The following OR56B2 variants were observed in gnomAD, a reference collection of about 807,000 sequenced individuals.
OR56B2 encodes the protein olfactory receptor family 56 subfamily B member 2, also known as olfactory receptor 56B2.
At chr11:5,764,232 A>G in the OR56B2 span, among the ~76,000 whole-genome samples, 180 of 141,176 alleles carry the variant, frequency 1.3e-3, 33 homozygotes, top group South Asian at 0.018. Context: ...AGATACAGAG[A>G]GATTAGATAT....
chr11:5,768,723 T>G, the OR56B2 span, among the ~76,000 whole-genome samples: 1 of 139,926 alleles, frequency 7.1e-6, no homozygotes, highest in Non-Finnish European at 1.6e-5. Flanking sequence ...ACATGTATAT[T>G]TGTTATATAA....
the OR56B2 span, chr11:5,765,956 C>T: frequency 2.9e-5 from 4 of 140,286 alleles, 2 homozygotes; most frequent in East Asian, 4.1e-4. Flanking sequence ...ATGTGCTACA[C>T]AATGTCATTC....
At chr11:5,763,019 C>T in the OR56B2 span, among the ~76,000 whole-genome samples, 5 of 151,946 alleles carry the variant, frequency 3.3e-5, no homozygotes, top group East Asian at 9.7e-4. Context: ...GTTTTCTTAT[C>T]TAAGAATACC....
At chr11:5,766,461 T>C in the OR56B2 span, 4 of 140,508 alleles carry the variant, frequency 2.8e-5, 2 homozygotes, top group Admixed American at 1.5e-4. Flanking sequence ...AGGAGATACT[T>C]CTGCATTTTC....
the OR56B2 span, among the ~76,000 whole-genome samples, chr11:5,762,451 T>C: frequency 3.3e-5 from 5 of 152,110 alleles, no homozygotes; most frequent in Admixed American, 2.6e-4. Flanking sequence ...ATATTCTTTG[T>C]TACTTCTCAC....
the OR56B2 span, among the ~76,000 whole-genome samples, chr11:5,763,618 T>C: frequency 3.6e-5 from 5 of 140,370 alleles, 1 homozygote; most frequent in Admixed American, 2.9e-4. Flanking sequence ...GCCTCCACTA[T>C]ATTTTTAACG....
chr11:5,762,015 A>T, the OR56B2 span, among the ~76,000 whole-genome samples: 1 of 152,280 alleles, frequency 6.6e-6, no homozygotes, highest in African/African-American at 2.4e-5. Flanking sequence ...TTGGAAAGAC[A>T]GAGTCTCACA....
the OR56B2 span, among the ~76,000 whole-genome samples, chr11:5,762,476 A>G: frequency 6.6e-6 from 1 of 152,080 alleles, no homozygotes; most frequent in Non-Finnish European, 1.5e-5. Context: ...TACCCAAAGC[A>G]TCACTGATAT....
At chr11:5,762,243 A>C in the OR56B2 span, among the ~76,000 whole-genome samples, 18 of 152,046 alleles carry the variant, frequency 1.2e-4, no homozygotes, top group African/African-American at 4.1e-4. Context: ...GTGGACCCTT[A>C]CTTCATTGAA....
chr11:5,762,242 T>C, the OR56B2 span, among the ~76,000 whole-genome samples: 1 of 152,190 alleles, frequency 6.6e-6, no homozygotes, highest in Middle Eastern at 3.4e-3. Flanking sequence ...AGTGGACCCT[T>C]ACTTCATTGA....
the OR56B2 span, among the ~76,000 whole-genome samples, chr11:5,762,686 T>C: frequency 6.6e-6 from 1 of 152,068 alleles, no homozygotes; most frequent in Non-Finnish European, 1.5e-5. Flanking sequence ...TAAATGTTCC[T>C]AGCATCAAAG....
the OR56B2 span, among the ~76,000 whole-genome samples, chr11:5,762,515 C>G: frequency 6.6e-6 from 1 of 151,926 alleles, no homozygotes; most frequent in African/African-American, 2.4e-5. Flanking sequence ...TATTTATGAT[C>G]GGTAATCTCT....
the OR56B2 span, chr11:5,765,844 C>T: frequency 2.1e-5 from 3 of 140,258 alleles, no homozygotes; most frequent in African/African-American, 7.9e-5. Flanking sequence ...AGTACCTGCA[C>T]CTCCCACCTC....
chr11:5,768,740 G>C, the OR56B2 span, among the ~76,000 whole-genome samples: 1 of 139,492 alleles, frequency 7.2e-6, no homozygotes, highest in African/African-American at 2.6e-5. Flanking sequence ...ATAACTTTCT[G>C]TAAATTAAAA....
At chr11:5,767,955 T>G in the OR56B2 span, among the ~76,000 whole-genome samples, 1 of 139,784 alleles carries the variant, frequency 7.2e-6, no homozygotes, top group East Asian at 2.1e-4. Flanking sequence ...AAGTTTCCTT[T>G]TGAGGTAATG....
the OR56B2 span, chr11:5,765,819 G>T: frequency 7.1e-6 from 1 of 140,402 alleles, no homozygotes; most frequent in Non-Finnish European, 1.6e-5. Flanking sequence ...TCCAGAAGCT[G>T]CATCCAAGGC....
the OR56B2 span, among the ~76,000 whole-genome samples, chr11:5,764,249 G>A: frequency 7.1e-6 from 1 of 140,898 alleles, no homozygotes; most frequent in African/African-American, 2.6e-5. Flanking sequence ...ATATTAGGAG[G>A]CCTTATGCCA....
the OR56B2 span, among the ~76,000 whole-genome samples, chr11:5,763,229 G>A: frequency 6.6e-6 from 1 of 152,030 alleles, no homozygotes; most frequent in Admixed American, 6.6e-5. Flanking sequence ...GTCTTGATGA[G>A]ATATCCGCTA....
chr11:5,764,451 T>C, the OR56B2 span, among the ~76,000 whole-genome samples: 2 of 141,202 alleles, frequency 1.4e-5, 1 homozygote, highest in Non-Finnish European at 3.1e-5. Flanking sequence ...AACACTGGTA[T>C]TTCCAAACCA....
Sources: gnomAD v4.1 joint callset for allele counts (sites outside exome capture counted in the v4.1 genomes callset) on GRCh38, gnomAD v4.1.1 for gene constraint, MANE v1.5 for transcripts, NCBI Gene and HGNC (gene_info 2026-07-23, HGNC 2026-07-21) for gene names.